The following GRM1 variants were observed in gnomAD, a reference collection of about 807,000 sequenced individuals.
GRM1 encodes the protein glutamate metabotropic receptor 1.
Under a neutral mutation model 90.9 loss-of-function variants are expected in GRM1, and 33 were observed. That is an observed-to-expected ratio of 0.36 (90% CI 0.28 to 0.49). The LOEUF is 0.49. Among genes scored for constraint, GRM1 ranks in the 20% least tolerant of loss-of-function variants. The pLI, the probability that GRM1 is intolerant of heterozygous loss-of-function variation, is 0.99. For missense variants in GRM1, 1,190 were observed against 1,534.3 expected, an observed-to-expected ratio of 0.78 and a Z score of 3.75; for synonymous variants, 700 against 613.2, an observed-to-expected ratio of 1.14 and a Z score of -2.09.
At chr6:146,173,774 C>T (rs1439710851) in intron 2 of GRM1, among the ~76,000 whole-genome samples, 1 of 150,634 alleles carries the variant, frequency 6.6e-6, no homozygotes, top group African/African-American at 2.5e-5. Context: ...TGAAGTGATT[C>T]TCCTGCCTCA....
intron 1 of GRM1, among the ~76,000 whole-genome samples, chr6:146,033,674 G>T (rs533287654): frequency 7.2e-5 from 11 of 151,834 alleles, no homozygotes; most frequent in Admixed American, 3.3e-4. Flanking sequence ...TTTCTTTCCA[G>T]TTAGATTTTG....
chr6:146,175,154 GCAGGAT>G (rs1448211990), intron 2 of GRM1, among the ~76,000 whole-genome samples: 2 of 152,318 alleles, frequency 1.3e-5, no homozygotes, highest in South Asian at 4.1e-4. Flanking sequence ...ACACAAGGAG[GCAGGAT>G]CATCTTAGAG....
At chr6:146,104,971 G>A (rs1036199082) in intron 1 of GRM1, among the ~76,000 whole-genome samples, 5 of 152,124 alleles carry the variant, frequency 3.3e-5, no homozygotes, top group African/African-American at 1.2e-4. Context: ...ATCTGAAGTA[G>A]GCATGAGGGG....
chr6:146,235,629 A>T lies in GRM1; in HGVS notation c.951-68982A>T, dbSNP rs143011459. Among the ~76,000 whole-genome samples, 290 of 148,114 alleles carry T rather than the reference A, an allele frequency of 2.0e-3. 8 individuals are homozygous for T. The East Asian group carries it at 0.048, about 25-fold the overall frequency. On this transcript the variant is annotated intron_variant, in intron 2 of 7. Coordinates refer to ENST00000282753, the MANE Select transcript of GRM1 (RefSeq NM_001278064.2). ...TTTTATCCTTTATCTCCAATTTTACAATTTTACCTTCAATTTCACTTCAGT... is the reference window on the plus strand; with the variant it reads ...TTTTATCCTTTATCTCCAATTTTACTATTTTACCTTCAATTTCACTTCAGT...
chr6:146,400,066 A>G (rs1777102620), intron 7 of GRM1, among the ~76,000 whole-genome samples: 1 of 152,234 alleles, frequency 6.6e-6, no homozygotes, highest in Non-Finnish European at 1.5e-5. Flanking sequence ...TGGGTCAGAG[A>G]GGCAAGCACT....
intron 2 of GRM1, among the ~76,000 whole-genome samples, chr6:146,261,478 G>C (rs915897473): frequency 2.6e-5 from 4 of 152,032 alleles, no homozygotes; most frequent in Admixed American, 2.6e-4. Context: ...CCCAAAAAAT[G>C]CTCTTTAACA....
In GRM1 at chr6:146,102,384, A is replaced by C. The variant is rs539178445; in HGVS notation, c.701-56964A>C. On this transcript the variant is annotated intron_variant, in intron 1 of 7. Coordinates refer to ENST00000282753, the MANE Select transcript of GRM1 (RefSeq NM_001278064.2). ...TCATTGGTTGGAGTCTAGACATCCCAGGTCAATATTTACAAAACTGAGCTC... is the reference window on the plus strand; with the variant it reads ...TCATTGGTTGGAGTCTAGACATCCCCGGTCAATATTTACAAAACTGAGCTC... Among the ~76,000 whole-genome samples the C allele has an allele frequency of 7.2e-5, 11 of 152,348 alleles. No individual in the cohort carries two copies. The East Asian group carries it at 2.1e-3, about 29-fold the overall frequency.
intron 3 of GRM1, among the ~76,000 whole-genome samples, chr6:146,350,057 C>G (rs1215886109): frequency 1.3e-5 from 2 of 152,168 alleles, no homozygotes; most frequent in Non-Finnish European, 2.9e-5. Flanking sequence ...CGACCCAAGT[C>G]ATAAGTTCTA....
intron 2 of GRM1, among the ~76,000 whole-genome samples, chr6:146,218,831 T>G (rs1242137447): frequency 6.6e-6 from 1 of 152,160 alleles, no homozygotes; most frequent in African/African-American, 2.4e-5. Flanking sequence ...AGAGAAGACA[T>G]TCTTCCTGCC....
intron 2 of GRM1, among the ~76,000 whole-genome samples, chr6:146,189,783 A>G (rs148046695): frequency 1.3e-5 from 2 of 152,302 alleles, no homozygotes; most frequent in Admixed American, 6.5e-5. Context: ...TCTGCTGTGA[A>G]AACCTTCTCT....
intron 2 of GRM1, among the ~76,000 whole-genome samples, chr6:146,229,186 G>A (rs1780360143): frequency 6.6e-6 from 1 of 151,642 alleles, no homozygotes; most frequent in East Asian, 1.9e-4. Flanking sequence ...GTTTCTCCAT[G>A]TTGGTCAGGC....
chr6:146,123,133 G>A (rs1176668965), intron 1 of GRM1, among the ~76,000 whole-genome samples: 2 of 151,988 alleles, frequency 1.3e-5, no homozygotes, highest in Non-Finnish European at 2.9e-5. Flanking sequence ...GTGAGCCACC[G>A]TGCCCGGCCT....
intron 5 of GRM1, among the ~76,000 whole-genome samples, chr6:146,373,429 A>C (rs935931877): frequency 3.3e-5 from 5 of 152,076 alleles, no homozygotes; most frequent in African/African-American, 1.2e-4. Flanking sequence ...AGTGCTACAC[A>C]CTTTTGAACA....
At chr6:146,296,371 C>T (rs1032611213) in intron 2 of GRM1, among the ~76,000 whole-genome samples, 1 of 152,160 alleles carries the variant, frequency 6.6e-6, no homozygotes, top group African/African-American at 2.4e-5. Context: ...ATGATTAAAT[C>T]AGACTACTTG....
chr6:146,249,782 C>T (rs1358962459), intron 2 of GRM1, among the ~76,000 whole-genome samples: 2 of 152,150 alleles, frequency 1.3e-5, no homozygotes, highest in African/African-American at 2.4e-5. Context: ...ACAGCTTGCA[C>T]CATGCACCTG....
intron 5 of GRM1, among the ~76,000 whole-genome samples, chr6:146,369,204 A>G (rs1295123068): frequency 6.6e-6 from 1 of 151,036 alleles, no homozygotes; most frequent in African/African-American, 2.4e-5. Context: ...CTCTGATTTT[A>G]TTTATTTGGG....
At chr6:146,069,777 C>A (rs1455321603) in intron 1 of GRM1, among the ~76,000 whole-genome samples, 1 of 152,170 alleles carries the variant, frequency 6.6e-6, no homozygotes, top group East Asian at 1.9e-4. Context: ...TTTTGTACTA[C>A]CACCACTATC....
chr6:146,363,842 A>G (rs986271122), intron 5 of GRM1, among the ~76,000 whole-genome samples: 1 of 152,230 alleles, frequency 6.6e-6, no homozygotes, highest in Non-Finnish European at 1.5e-5. Context: ...ACATTGCAAC[A>G]TGTTTGTCCA....
At chr6:146,307,590 A>C (rs1294661569) in intron 3 of GRM1, among the ~76,000 whole-genome samples, 1 of 152,178 alleles carries the variant, frequency 6.6e-6, no homozygotes, top group Admixed American at 6.5e-5. Flanking sequence ...GAGATCCTTG[A>C]ATATCAAATG....
Sources: gnomAD v4.1 joint callset for allele counts (sites outside exome capture counted in the v4.1 genomes callset) on GRCh38, gnomAD v4.1.1 for gene constraint, MANE v1.5 for transcripts, NCBI Gene and HGNC (gene_info 2026-07-23, HGNC 2026-07-21) for gene names.